Variants in ARHGAP6 observed in about 807,000 individuals in gnomAD.
The protein encoded by ARHGAP6 is Rho GTPase activating protein 6, also known as rho GTPase-activating protein 6.
Under a neutral mutation model 55.7 loss-of-function variants are expected in ARHGAP6, and 16 were observed. The observed-to-expected ratio is 0.29, with a 90% CI of 0.19 to 0.44. The LOEUF is 0.44. ARHGAP6 is among the 20% of genes least tolerant of loss of function. ARHGAP6 has a pLI of 1.00. For synonymous variants in ARHGAP6, 382 were observed against 360.9 expected (o/e 1.06, Z -0.66); for missense variants, 698 against 808.9 (o/e 0.86, Z 1.66).
chrX:11,295,290 T>C (rs1278774376), intron 1 of ARHGAP6, among the ~76,000 whole-genome samples: 1 of 111,270 alleles, frequency 9.0e-6, no homozygotes, highest in Non-Finnish European at 1.9e-5. Flanking sequence ...ATATTGCTGC[T>C]CTTACCCCTC....
chrX:11,483,220 A>T (rs1370857078), intron 1 of ARHGAP6, among the ~76,000 whole-genome samples: 2 of 111,804 alleles, frequency 1.8e-5, no homozygotes, highest in Admixed American at 9.4e-5. Context: ...AGAACTTGCA[A>T]TGTGTTCAAG....
chrX:11,444,113 T>C (rs1444233118), intron 1 of ARHGAP6, among the ~76,000 whole-genome samples: 1 of 112,166 alleles, frequency 8.9e-6, no homozygotes, highest in Non-Finnish European at 1.9e-5. Flanking sequence ...AACATTTCCC[T>C]ATAAAGGGCC....
chrX:11,567,566 A>AAAAAAAAAAAAAAAAAAAATATATATAT (rs1440758737), intron 1 of ARHGAP6, among the ~76,000 whole-genome samples: 3 of 84,405 alleles, frequency 3.6e-5, no homozygotes, highest in African/African-American at 9.5e-5. Context: ...AAAAAAAAAA[A>AAAAAAAAAAAAAAAAAAAATATATATAT]ATATATATAT....
intron 2 of ARHGAP6, among the ~76,000 whole-genome samples, chrX:11,242,288 G>A (rs1394592634): frequency 8.9e-6 from 1 of 112,345 alleles, no homozygotes; most frequent in East Asian, 2.8e-4. Flanking sequence ...TGGTTTAGAT[G>A]CCATAGCTTT....
intron 1 of ARHGAP6, among the ~76,000 whole-genome samples, chrX:11,302,611 T>A (rs1467973293): frequency 2.7e-5 from 3 of 111,567 alleles, no homozygotes; most frequent in Non-Finnish European, 5.6e-5. Flanking sequence ...GAGGCACACA[T>A]TCACGTTACA....
intron 1 of ARHGAP6, among the ~76,000 whole-genome samples, chrX:11,594,203 T>C (rs1312440058): frequency 9.0e-6 from 1 of 111,249 alleles, no homozygotes; most frequent in East Asian, 2.8e-4. Flanking sequence ...CTTTCTAAAA[T>C]TTTCCATGCT....
chrX:11,629,052 C>T (rs1198650766), intron 1 of ARHGAP6, among the ~76,000 whole-genome samples: 1 of 109,687 alleles, frequency 9.1e-6, no homozygotes, highest in African/African-American at 3.3e-5. Flanking sequence ...TCTTACAGAT[C>T]TTCTATCTTT....
chrX:11,633,339 T>G (rs752865103), intron 1 of ARHGAP6, among the ~76,000 whole-genome samples: 99 of 112,463 alleles, frequency 8.8e-4, no homozygotes, highest in Non-Finnish European at 1.5e-3. Flanking sequence ...ATGAATGCCT[T>G]TGCAGAAACA....
chrX:11,567,566 A>AATATATATATATATAT (rs1556078452), intron 1 of ARHGAP6, among the ~76,000 whole-genome samples: 4 of 84,387 alleles, frequency 4.7e-5, no homozygotes, highest in African/African-American at 1.9e-4. Context: ...AAAAAAAAAA[A>AATATATATATATATAT]ATATATATAT....
chrX:11,513,862 A>G (rs1477957689), intron 1 of ARHGAP6, among the ~76,000 whole-genome samples: 2 of 110,997 alleles, frequency 1.8e-5, no homozygotes, highest in East Asian at 2.8e-4. Context: ...GTAGCTACAT[A>G]TTAAAGACAG....
At chrX:11,568,756 CAAA>C (rs779282032) in intron 1 of ARHGAP6, among the ~76,000 whole-genome samples, 1 of 54,545 alleles carries the variant, frequency 1.8e-5, no homozygotes. Context: ...GATACTATCT[CAAA>C]AAAAAAAAAA....
At chrX:11,320,862 G>GTA (rs1316915331) in intron 1 of ARHGAP6, among the ~76,000 whole-genome samples, 2 of 104,665 alleles carry the variant, frequency 1.9e-5, no homozygotes, top group Non-Finnish European at 4.0e-5. Context: ...ACATATATGT[G>GTA]TATATATATA....
intron 1 of ARHGAP6, among the ~76,000 whole-genome samples, chrX:11,487,250 T>C (rs1284253932): frequency 2.7e-5 from 3 of 112,135 alleles, no homozygotes; most frequent in African/African-American, 9.7e-5. Context: ...CTAAGAGTTG[T>C]GACATTCAAC....
chrX:11,533,754 A>G (rs2051075548), intron 1 of ARHGAP6, among the ~76,000 whole-genome samples: 1 of 112,243 alleles, frequency 8.9e-6, no homozygotes, highest in African/African-American at 3.2e-5. Context: ...ACAGAGAGAA[A>G]GGTCACCAAT....
intron 1 of ARHGAP6, among the ~76,000 whole-genome samples, chrX:11,512,724 G>T (rs1344937452): frequency 9.0e-6 from 1 of 111,495 alleles, no homozygotes; most frequent in African/African-American, 3.3e-5. Context: ...AGTTTTCTCA[G>T]GCATGACCAC....
At chrX:11,256,024 T>C (rs1356523864) in intron 1 of ARHGAP6, among the ~76,000 whole-genome samples, 2 of 111,687 alleles carry the variant, frequency 1.8e-5, no homozygotes, top group East Asian at 2.8e-4. Context: ...GAAGGAGAGG[T>C]ACTGGCCCAC....
intron 2 of ARHGAP6, among the ~76,000 whole-genome samples, chrX:11,208,773 C>T (rs1453600743): frequency 8.9e-6 from 1 of 111,960 alleles, no homozygotes; most frequent in Non-Finnish European, 1.9e-5. Flanking sequence ...GCCATGACTA[C>T]ACGCCCCAAA....
At chrX:11,148,526 G>A (rs773133348) in intron 10 of ARHGAP6, 99 of 239,058 alleles carry the variant, frequency 4.1e-4, no homozygotes, top group Non-Finnish European at 5.8e-4. Context: ...GGGTTTCCCC[G>A]TTAGACCCCC....
At chrX:11,654,759 C>T (rs772456606) in intron 1 of ARHGAP6, among the ~76,000 whole-genome samples, 3 of 111,767 alleles carry the variant, frequency 2.7e-5, no homozygotes, top group Admixed American at 9.5e-5. Flanking sequence ...CCGTTACTAC[C>T]TCCCTAGTTT....
Sources: gnomAD v4.1 joint callset for allele counts (sites outside exome capture counted in the v4.1 genomes callset) on GRCh38, gnomAD v4.1.1 for gene constraint, MANE v1.5 for transcripts, NCBI Gene and HGNC (gene_info 2026-07-23, HGNC 2026-07-21) for gene names.